The following OR6C3 variants were observed in gnomAD, a reference collection of about 807,000 sequenced individuals.
The protein encoded by OR6C3 is olfactory receptor 6C3.
For synonymous variants in OR6C3, 177 were observed against 137.4 expected (o/e 1.29, Z -2.02); for missense variants, 487 against 364.6 (o/e 1.34, Z -2.73).
In OR6C3 at chr12:55,332,256, T is replaced by A; in HGVS notation, c.556T>A (p.Cys186Ser). The change falls in exon 2 of 2, where the codon TGT becomes AGT. Residue 186 changes from cysteine to serine, a missense_variant. Transcript: ENST00000641740. ...CTATTTTCCCCTCTTACAACTATCT[T>A]GTTCAGATACATGGCTCCTAGAAGT... ...CDYFPLLQLS[C>S]SDTWLLEVIG... is the part of the protein sequence containing the mutation. 6.2e-7 allele frequency: 1 copy of A among 1,614,178 alleles called. No homozygotes were observed. The highest frequency in any genetic ancestry group is 1.3e-5 in the African/African-American group (1 of 75,068).
rs1868855616 is a variant in OR6C3, at chr12:55,331,732, T to C, written c.32T>C (p.Leu11Pro). 6.2e-7 allele frequency: 1 copy of C among 1,613,718 alleles called. No individual in the cohort carries two copies. Among genetic ancestry groups the C allele is most frequent in the Non-Finnish European group, 8.5e-7 (1 of 1,179,696 alleles). The change falls in exon 2 of 2, where the codon CTC (leucine) becomes CCC (proline). Residue 11 changes from leucine to proline, a missense_variant. Physicochemically the swap from Leu to Pro is moderately conservative, Grantham distance 98. Coordinates refer to ENST00000641740, the MANE Select transcript of OR6C3 (RefSeq NM_001388498.1). MNHTMVTEFV[L>P]LGLSDDPDLQ... ...CACACAATGGTCACAGAGTTTGTCC[T>C]CCTGGGCCTTTCTGATGATCCTGAC...
At position 55,332,401 on chromosome 12, in the gene OR6C3, C is replaced by G. The variant is rs1181387359; in HGVS notation, c.701C>G (p.Ala234Gly). ...CCGTCTGCCAGTCAAAGAAAAAAGG[C>G]TTTCTCCACTTGTTCTTCTCACATG... ...RIPSASQRKK[A>G]FSTCSSHMIV... The change falls in exon 2 of 2, where the codon GCT becomes GGT. Residue 234 changes from alanine to glycine, a missense_variant. Ala to Gly is a moderately conservative substitution (Grantham distance 60, BLOSUM62 0). Transcript: ENST00000641740. 6.2e-6 allele frequency: 10 copies of G among 1,613,824 alleles called. No homozygotes were observed. Among genetic ancestry groups the G allele is most frequent in the Non-Finnish European group, 8.5e-6 (10 of 1,179,868 alleles).
chr12:55,331,728 G>C lies in OR6C3; in HGVS notation c.28G>C (p.Val10Leu), dbSNP rs1255055697. ...GAACCACACAATGGTCACAGAGTTTGTCCTCCTGGGCCTTTCTGATGATCC... is the reference window on the plus strand; with the variant it reads ...GAACCACACAATGGTCACAGAGTTTCTCCTCCTGGGCCTTTCTGATGATCC... MNHTMVTEF[V>L]LLGLSDDPDL... Residue 10 changes from valine (V) to leucine (L), a missense_variant, in exon 2 of 2, where the codon GTC becomes CTC. By Grantham distance (32) the Val-to-Leu change is conservative (BLOSUM62 1). Coordinates refer to ENST00000641740, the MANE Select transcript of OR6C3 (RefSeq NM_001388498.1). 1.2e-6 allele frequency: 2 copies of C among 1,613,178 alleles called. No homozygotes were observed. The highest frequency in any genetic ancestry group is 1.7e-6 in the Non-Finnish European group (2 of 1,179,422).
chr12:55,330,295 G>A (rs1267363921), upstream of OR6C3: 1 of 151,168 alleles, frequency 6.6e-6, no homozygotes, highest in Non-Finnish European at 1.5e-5. Context: ...AATTTTTTTT[G>A]AACTTCTAGT....
rs1565665338 is a variant in OR6C3, at chr12:55,332,598, A to G, written c.898A>G (p.Asn300Asp). ...RNQQVKQAFKNVVHKVVFYAN... is the reference protein window; with the variant it reads ...RNQQVKQAFKDVVHKVVFYAN... The stretch of plus-strand genomic sequence containing the variant: ...CCAGCAAGTAAAACAAGCCTTCAAA[A>G]ATGTGGTCCACAAAGTTGTGTTTTA... The change falls in exon 2 of 2, where the codon AAT becomes GAT. Residue 300 changes from asparagine to aspartate, a missense_variant. Physicochemically the swap from Asn to Asp is conservative, Grantham distance 23. Transcript: ENST00000641740. The G allele has an allele frequency of 2.5e-6, 4 of 1,605,096 alleles. No individual in the cohort carries two copies. Among genetic ancestry groups the G allele is most frequent in the Admixed American group, 3.4e-5 (2 of 59,402 alleles).
At position 55,331,962 on chromosome 12, in the gene OR6C3, A is replaced by G. The variant is rs75790912; in HGVS notation, c.262A>G (p.Thr88Ala). Residue 88 changes from threonine (T) to alanine (A), a missense_variant, in exon 2 of 2, where the codon ACT (threonine) becomes GCT (alanine). Physicochemically the swap from Thr to Ala is moderately conservative, Grantham distance 58. Transcript: ENST00000641740. Reference protein sequence around the residue: ...FLGAIITRNKTISYNNCAAQL... With the variant: ...FLGAIITRNKAISYNNCAAQL... ...GGGGGCAATTATCACCAGGAATAAG[A>G]CTATTTCCTATAACAACTGTGCAGC... The G allele has an allele frequency of 1.9e-6, 3 of 1,614,114 alleles. No homozygotes were observed. Among genetic ancestry groups the G allele is most frequent in the Non-Finnish European group, 2.5e-6 (3 of 1,179,968 alleles).
upstream of OR6C3, chr12:55,330,385 A>C (rs1346536066): frequency 2.0e-5 from 3 of 152,164 alleles, no homozygotes; most frequent in Non-Finnish European, 4.4e-5. Context: ...TTCCTGAAAT[A>C]TATCCCTTAA....
Position 55,331,976 on chromosome 12 carries a change from C to A in OR6C3, c.276C>A (p.Asn92Lys). Residue 92 changes from asparagine to lysine, a missense_variant, in exon 2 of 2, where the codon AAC becomes AAA. Asn to Lys is a moderately conservative substitution (Grantham distance 94). Transcript: ENST00000641740. Reference sequence around the variant, plus strand: ...CCAGGAATAAGACTATTTCCTATAACAACTGTGCAGCCCAACTCTTTTTCT... The same window carrying A: ...CCAGGAATAAGACTATTTCCTATAAAAACTGTGCAGCCCAACTCTTTTTCT... Reference protein sequence around the residue: ...IITRNKTISYNNCAAQLFFFI... With the variant: ...IITRNKTISYKNCAAQLFFFI... 4 of 1,614,138 alleles carry A rather than the reference C, an allele frequency of 2.5e-6. No individual in the cohort carries two copies. The highest frequency in any genetic ancestry group is 3.4e-6 in the Non-Finnish European group (4 of 1,180,006).
rs1592266161 is a variant in OR6C3 at position 55,331,605 on chromosome 12, T to C, written c.-44-52T>C. 4.1e-6 allele frequency: 3 copies of C among 736,232 alleles called. No individual in the cohort carries two copies. In the East Asian group the frequency reaches 8.0e-5, roughly 20 times the overall value. 45.6% of individuals were successfully genotyped at this position (736,232 alleles called of 1,614,324 possible). ...TAATTATATGGATCATGATGAATTA[T>C]ATCTTTTATCTATTTTCCTTAATTA... On this transcript the variant is annotated intron_variant, in intron 1 of 1. Coordinates refer to ENST00000641740, the MANE Select transcript of OR6C3 (RefSeq NM_001388498.1).
chr12:55,330,867 CAT>C (rs985430818), intron 1 of OR6C3, 60 bp downstream of exon 1: 19 of 152,204 alleles, frequency 1.2e-4, no homozygotes, highest in Admixed American at 1.2e-3. Context: ...ATAAATATCA[CAT>C]GTTCCCTTAA....
Position 55,332,535 on chromosome 12 carries a change from GC to G in OR6C3, c.840del (p.Met281CysfsTer2), listed in dbSNP as rs1323967266. The G allele has an allele frequency of 4.3e-6, 7 of 1,613,430 alleles. No homozygotes were observed. In the Admixed American group the frequency reaches 6.7e-5, roughly 15 times the overall value. Reference sequence around the variant, plus strand: ...AATAGCTATTCTCAATACATCTGTTGCCCCCATGCTGAACCCCTTCATTTAC... The same window carrying G: ...AATAGCTATTCTCAATACATCTGTTGCCCCATGCTGAACCCCTTCATTTAC... ...KGIAILNTSV[A>X]PMLNPFIYTL... On this transcript the variant is annotated frameshift_variant, in exon 2 of 2. Coordinates refer to ENST00000641740, the MANE Select transcript of OR6C3 (RefSeq NM_001388498.1). LOFTEE classifies it low-confidence loss of function (END_TRUNC).
rs1186838193 is a variant in OR6C3 at position 55,331,754 on chromosome 12, T to G, written c.54T>G (p.Pro18=). 1.2e-6 allele frequency: 2 copies of G among 1,613,792 alleles called. No homozygotes were observed. The highest frequency in any genetic ancestry group is 1.7e-6 in the Non-Finnish European group (2 of 1,179,798). Residue 18 remains proline (P), a synonymous_variant, in exon 2 of 2, where the codon CCT becomes CCG. Coordinates refer to ENST00000641740, the MANE Select transcript of OR6C3 (RefSeq NM_001388498.1). ...EFVLLGLSDD[P]DLQIVIFLFL... ...TCCTCCTGGGCCTTTCTGATGATCC[T>G]GACCTTCAGATTGTGATTTTTCTCT...
In OR6C3 at chr12:55,332,442, TC is replaced by T; in HGVS notation, c.743del (p.Ser248PhefsTer20). On this transcript the variant is annotated frameshift_variant, in exon 2 of 2. Transcript: ENST00000641740. LOFTEE classifies it low-confidence loss of function (END_TRUNC). Reference sequence around the variant, plus strand: ...TTCTCACATGATTGTCATTTCCATTTCTTATGGAAGCTGTATATTCATGTAT... The same window carrying T: ...TTCTCACATGATTGTCATTTCCATTTTTATGGAAGCTGTATATTCATGTAT... ...CSSHMIVISI[S>X]YGSCIFMYAN... 6.2e-7 allele frequency: 1 copy of T among 1,613,936 alleles called. No individual in the cohort carries two copies. The highest frequency in any genetic ancestry group is 8.5e-7 in the Non-Finnish European group (1 of 1,179,856).
In OR6C3 at chr12:55,331,592, T is replaced by A. The variant is rs539352502; in HGVS notation, c.-44-65T>A. The A allele has an allele frequency of 1.6e-4, 109 of 673,494 alleles. 1 individual carries two copies. In the South Asian group the frequency reaches 2.3e-3, roughly 14 times the overall value. The allele number at this position is 673,494 out of a possible 1,614,324, so 41.7% of individuals were successfully genotyped here. On this transcript the variant is annotated intron_variant, in intron 1 of 1. Transcript: ENST00000641740. ...AGAATTGTATTGATAATTATATGGATCATGATGAATTATATCTTTTATCTA... is the reference window on the plus strand; with the variant it reads ...AGAATTGTATTGATAATTATATGGAACATGATGAATTATATCTTTTATCTA...
chr12:55,331,782 T>C lies in OR6C3; in HGVS notation c.82T>C (p.Leu28=). Residue 28 remains leucine, a synonymous_variant, in exon 2 of 2, where the codon TTA becomes CTA. Coordinates refer to ENST00000641740, the MANE Select transcript of OR6C3 (RefSeq NM_001388498.1). ...PDLQIVIFLF[L]FITYILSVTG... ...CCTTCAGATTGTGATTTTTCTCTTTTTATTTATCACGTATATATTAAGTGT... is the reference window on the plus strand; with the variant it reads ...CCTTCAGATTGTGATTTTTCTCTTTCTATTTATCACGTATATATTAAGTGT... The C allele has an allele frequency of 3.7e-6, 6 of 1,613,862 alleles. No homozygotes were observed. Among genetic ancestry groups the C allele is most frequent in the Non-Finnish European group, 5.1e-6 (6 of 1,179,764 alleles).
chr12:55,330,450 G>C (rs1299387782), upstream of OR6C3: 1 of 152,040 alleles, frequency 6.6e-6, no homozygotes, highest in Non-Finnish European at 1.5e-5. Flanking sequence ...GTGAACTTTG[G>C]TAGTGTCCAG....
chr12:55,332,504 A>G lies in OR6C3; in HGVS notation c.804A>G (p.Thr268=). ...CTGCAAAAGAAAAGGCATCATTGAC[A>G]AAAGGAATAGCTATTCTCAATACAT... The part of the protein sequence containing the change: ...NPSAKEKASL[T]KGIAILNTSV... Residue 268 remains threonine (T), a synonymous_variant, in exon 2 of 2, where the codon ACA becomes ACG. Coordinates refer to ENST00000641740, the MANE Select transcript of OR6C3 (RefSeq NM_001388498.1). The G allele has an allele frequency of 1.2e-6, 2 of 1,613,968 alleles. No individual in the cohort carries two copies. The highest frequency in any genetic ancestry group is 1.7e-6 in the Non-Finnish European group (2 of 1,179,930).
intron 1 of OR6C3, among the ~76,000 whole-genome samples, chr12:55,331,304 A>G (rs1868833126): frequency 7.1e-6 from 1 of 141,446 alleles, no homozygotes; most frequent in Non-Finnish European, 1.5e-5. Flanking sequence ...CCTTTAATGT[A>G]TACATGATGA....
rs140445848 is a variant in OR6C3, at chr12:55,332,143, G to C, written c.443G>C (p.Ser148Thr). ...CTACTTGTGCTGTGTGCCTGGCTAAGTGGGTTTCTGACCATTTTCCCACCC... is the reference window on the plus strand; with the variant it reads ...CTACTTGTGCTGTGTGCCTGGCTAACTGGGTTTCTGACCATTTTCCCACCC... ...CTLLVLCAWLSGFLTIFPPLM... is the reference protein window; with the variant it reads ...CTLLVLCAWLTGFLTIFPPLM... Residue 148 changes from serine to threonine, a missense_variant, in exon 2 of 2, where the codon AGT becomes ACT. Ser to Thr is a moderately conservative substitution (Grantham distance 58). Coordinates refer to ENST00000641740, the MANE Select transcript of OR6C3 (RefSeq NM_001388498.1). The C allele has an allele frequency of 3.7e-4, 592 of 1,614,146 alleles. 2 individuals carry two copies. The highest frequency in any genetic ancestry group is 2.1e-3 in the Middle Eastern group (13 of 6,062).
Sources: allele counts gnomAD v4.1 joint callset (sites outside exome capture counted in the v4.1 genomes callset), GRCh38; gene constraint gnomAD v4.1.1; transcripts MANE v1.5; gene names NCBI Gene and HGNC (gene_info 2026-07-23, HGNC 2026-07-21).